C16orf89: variants seen among roughly 807,000 people sequenced by gnomAD.
C16orf89 encodes UPF0764 protein C16orf89.
In C16orf89, 57 loss-of-function variants were observed where a neutral mutation model predicts 41.5. That is an observed-to-expected ratio of 1.38 (90% CI 1.11 to 1.71). The LOEUF (loss-of-function observed/expected upper bound fraction) is 1.71, where lower values mean the gene tolerates loss of function less well. C16orf89 is among the 40% of genes most tolerant of loss of function. The probability of loss-of-function intolerance (pLI) is 0.00; values close to 1 mark genes in which losing one functional copy is unlikely to be tolerated. For missense variants in C16orf89, 575 were observed against 445.9 expected, an observed-to-expected ratio of 1.29 and a Z score of -2.61; for synonymous variants, 223 against 190.6, an observed-to-expected ratio of 1.17 and a Z score of -1.40.
chr16:5,062,637 A>G (rs1956651746), intron 1 of C16orf89, 63 bp from the exon 2 acceptor site: 2 of 1,470,474 alleles, frequency 1.4e-6, no homozygotes, highest in South Asian at 1.3e-5. Context: ...TTGCCTTGGA[A>G]CAAGAAAAAA....
At position 5,056,154 on chromosome 16, in the gene C16orf89, T is replaced by G. The variant is rs770398633; in HGVS notation, c.662A>C (p.Gln221Pro). Reference sequence around the variant, plus strand: ...GGCGCAGAAGAGGTTGATATAGTCCTGGCTCTGTTGGAGTGGTCCCTGTGT... The same window carrying G: ...GGCGCAGAAGAGGTTGATATAGTCCGGGCTCTGTTGGAGTGGTCCCTGTGT... ...GCTQGPLQQS[Q>P]DYINLFCANM... The change falls in exon 5 of 8, where the codon CAG (glutamine) becomes CCG (proline). Residue 221 changes from glutamine to proline, a missense_variant. Gln to Pro is a moderately conservative substitution (Grantham distance 76, BLOSUM62 -1). Coordinates refer to ENST00000472572, the MANE Select transcript of C16orf89 (RefSeq NM_001098514.3). 9 of 1,594,890 alleles carry G rather than the reference T, an allele frequency of 5.6e-6. No homozygotes were observed. In the African/African-American group the frequency reaches 1.2e-4, roughly 21 times the overall value.
intron 6 of C16orf89, among the ~76,000 whole-genome samples, chr16:5,052,704 T>C (rs1008353156): frequency 6.6e-6 from 1 of 152,090 alleles, no homozygotes; most frequent in African/African-American, 2.4e-5. Context: ...ACAGACATTA[T>C]GGAAAGCAGT....
intron 1 of C16orf89, among the ~76,000 whole-genome samples, chr16:5,062,860 T>G (rs1418012738): frequency 6.6e-6 from 1 of 152,152 alleles, no homozygotes; most frequent in East Asian, 1.9e-4. Flanking sequence ...GTTCAAATCC[T>G]CAAATCCTTG....
chr16:5,062,480 A>G lies in C16orf89; in HGVS notation c.303T>C (p.Ala101=). ...GGTAGTGGAGGGATCTCTGGATGGCAGCCTCCAGCTTCTCCCCCAGCATCC... is the reference window on the plus strand; with the variant it reads ...GGTAGTGGAGGGATCTCTGGATGGCGGCCTCCAGCTTCTCCCCCAGCATCC... The part of the protein sequence containing the change: ...RVGMLGEKLE[A]AIQRSLHYLK... Residue 101 remains alanine, a synonymous_variant, in exon 2 of 8, where the codon GCT becomes GCC. Coordinates refer to ENST00000472572, the MANE Select transcript of C16orf89 (RefSeq NM_001098514.3). 6.2e-7 allele frequency: 1 copy of G among 1,614,092 alleles called. No homozygotes were observed. The highest frequency in any genetic ancestry group is 8.5e-7 in the Non-Finnish European group (1 of 1,179,982).
chr16:5,065,947 C>T lies in C16orf89; in HGVS notation c.-39G>A. 1.9e-6 allele frequency: 3 copies of T among 1,604,522 alleles called. No homozygotes were observed. The South Asian group carries it at 3.3e-5, about 18-fold the overall frequency. ...TCACTGCTGGTCACACGCTCAGCAC[C>T]CTGAGCTCTGGCCAAGCCCAGACTG... On this transcript the variant is annotated 5_prime_UTR_variant, in exon 1 of 8. Coordinates refer to ENST00000472572, the MANE Select transcript of C16orf89 (RefSeq NM_001098514.3).
chr16:5,055,198 C>A, intron 6 of C16orf89, 48 bp downstream of exon 6: 1 of 1,478,412 alleles, frequency 6.8e-7, no homozygotes, highest in South Asian at 1.2e-5. Flanking sequence ...CAGAGCCACC[C>A]CCACCCCCAC....
At chr16:5,045,874 C>A (rs938213575) in intron 7 of C16orf89, among the ~76,000 whole-genome samples, 1 of 152,168 alleles carries the variant, frequency 6.6e-6, no homozygotes, top group Non-Finnish European at 1.5e-5. Context: ...CCCTCCTGGG[C>A]AGTTTTCTAG....
chr16:5,055,611 C>G, intron 5 of C16orf89: 3 of 1,414,674 alleles, frequency 2.1e-6, no homozygotes, highest in Admixed American at 2.1e-5. Flanking sequence ...TTTGGACACC[C>G]CAGCCAGCTA....
intron 2 of C16orf89, 26 bp downstream of exon 2, chr16:5,062,399 G>C: frequency 6.3e-7 from 1 of 1,591,846 alleles, no homozygotes; most frequent in Non-Finnish European, 8.6e-7. Flanking sequence ...ATTCCTGAGG[G>C]AATGGGACAC....
At chr16:5,047,471 C>CT (rs34384781) in intron 7 of C16orf89, among the ~76,000 whole-genome samples, 41,040 of 144,018 alleles carry the variant, frequency 0.28, 6,697 homozygotes, top group Admixed American at 0.4. Context: ...TTCTTTCTTT[C>CT]TTTTTTTTTT....
chr16:5,060,536 G>A, intron 2 of C16orf89, 100 bp from the exon 3 acceptor site: 1 of 1,273,094 alleles, frequency 7.9e-7, no homozygotes, highest in East Asian at 2.5e-5. Flanking sequence ...CTGCCCACTG[G>A]CAGGTGCAGC....
intron 6 of C16orf89, among the ~76,000 whole-genome samples, chr16:5,052,582 C>A (rs1567153039): frequency 1.4e-5 from 2 of 145,482 alleles, no homozygotes. Flanking sequence ...CAGAGTGAGA[C>A]CCTGTCTAAA....
chr16:5,045,715 C>G (rs1172144993), intron 7 of C16orf89, among the ~76,000 whole-genome samples: 1 of 152,130 alleles, frequency 6.6e-6, no homozygotes, highest in Non-Finnish European at 1.5e-5. Flanking sequence ...AAATGAGGCT[C>G]AGTGAGGTTG....
At chr16:5,056,231 G>C in intron 4 of C16orf89, 43 bp from the exon 5 acceptor site, 1 of 1,546,962 alleles carries the variant, frequency 6.5e-7, no homozygotes. Flanking sequence ...CAGTGGTACA[G>C]ATGACAGACA....
chr16:5,055,951 GTGTGTGTGT>G, intron 5 of C16orf89, 93 bp downstream of exon 5: 1 of 301,262 alleles, frequency 3.3e-6, no homozygotes. Flanking sequence ...GTGTGTGTGT[GTGTGTGTGT>G]GTGTGTGTGT....
chr16:5,062,733 A>G (rs1460700859), intron 1 of C16orf89, among the ~76,000 whole-genome samples, 159 bp from the exon 2 acceptor site: 1 of 152,286 alleles, frequency 6.6e-6, no homozygotes, highest in East Asian at 1.9e-4. Flanking sequence ...CTGACTGGAA[A>G]TGAGGCCAGG....
chr16:5,047,836 C>G (rs1956327220), intron 7 of C16orf89, 42 bp downstream of exon 7: 8 of 1,138,080 alleles, frequency 7.0e-6, no homozygotes, highest in South Asian at 1.3e-5. Flanking sequence ...GCTAGGATAT[C>G]TTAGTTTCAT....
In C16orf89 at chr16:5,065,873, C is replaced by G. The variant is rs1567162130; in HGVS notation, c.36G>C (p.Leu12=). 3 of 1,614,156 alleles carry G rather than the reference C, an allele frequency of 1.9e-6. No homozygotes were observed. Among genetic ancestry groups the G allele is most frequent in the Admixed American group, 1.7e-5 (1 of 60,022 alleles). ...ASLGLLLLLL[L]TALPPLWSSS... is the part of the protein sequence containing the mutation. Reference sequence around the variant, plus strand: ...AGGACCACAGCGGTGGCAGTGCTGTCAGTAAGAGCAGGAGCAGCAGCCCCA... The same window carrying G: ...AGGACCACAGCGGTGGCAGTGCTGTGAGTAAGAGCAGGAGCAGCAGCCCCA... The change falls in exon 1 of 8, where the codon CTG becomes CTC. Residue 12 remains leucine, a synonymous_variant. Transcript: ENST00000472572.
In C16orf89 at chr16:5,056,089, A is replaced by G; in HGVS notation, c.727T>C (p.Tyr243His). 1 of 1,597,892 alleles carries G rather than the reference A, an allele frequency of 6.3e-7. No homozygotes were observed. Among genetic ancestry groups the G allele is most frequent in the South Asian group, 1.1e-5 (1 of 90,770 alleles). The change falls in exon 5 of 8, where the codon TAC becomes CAC. Residue 243 changes from tyrosine to histidine, a missense_variant. Physicochemically the swap from Tyr to His is moderately conservative, Grantham distance 83. Transcript: ENST00000472572. ...DLNRRAEAIGYAYPTRDIFME... is the reference protein window; with the variant it reads ...DLNRRAEAIGHAYPTRDIFME... Reference sequence around the variant, plus strand: ...AAGATGTCCCGGGTAGGGTAGGCGTATCCGATGGCCTCAGCTCTGCGGTTC... The same window carrying G: ...AAGATGTCCCGGGTAGGGTAGGCGTGTCCGATGGCCTCAGCTCTGCGGTTC...
Sources: allele counts gnomAD v4.1 joint callset (sites outside exome capture counted in the v4.1 genomes callset), GRCh38; gene constraint gnomAD v4.1.1; transcripts MANE v1.5; gene names NCBI Gene and HGNC (gene_info 2026-07-23, HGNC 2026-07-21).